PCDHGB2: variants seen among roughly 807,000 people sequenced by gnomAD.
PCDHGB2 encodes the protein protocadherin gamma-B2.
Under a neutral mutation model 59.3 loss-of-function variants are expected in PCDHGB2, and 55 were observed. That is an observed-to-expected ratio of 0.93 (90% CI 0.75 to 1.16). PCDHGB2 has a LOEUF of 1.16. PCDHGB2 is among the 50% of genes most tolerant of loss of function. The pLI, the probability that PCDHGB2 is intolerant of heterozygous loss-of-function variation, is 0.00. For synonymous variants in PCDHGB2, 516 were observed against 512.0 expected (o/e 1.01, Z -0.11); for missense variants, 1,228 against 1,198.5 (o/e 1.02, Z -0.36).
intron 1 of PCDHGB2, chr5:141,418,442 G>C: frequency 6.2e-7 from 1 of 1,614,010 alleles, no homozygotes; most frequent in Non-Finnish European, 8.5e-7. Flanking sequence ...TCCAGAATTA[G>C]TATTGCAGAA....
In PCDHGB2 at chr5:141,486,657, T is replaced by G. The variant is rs1171065175; in HGVS notation, c.2422-8150T>G. On this transcript the variant is annotated intron_variant, in intron 1 of 3. Transcript: ENST00000522605. The surrounding 1 kb of genome is among the most constrained non-coding windows in gnomAD (Gnocchi z 5.0). ...AATGCGCTTATCTCCTACTCACTCC[T>G]GGAGCCCAGGAATCGAGATGTATCA... 3 of 1,614,010 alleles carry G rather than the reference T, an allele frequency of 1.9e-6. No homozygotes were observed. Among genetic ancestry groups the G allele is most frequent in the Non-Finnish European group, 2.5e-6 (3 of 1,180,030 alleles).
In PCDHGB2 at chr5:141,441,877, C is replaced by T. The variant is rs945298341; in HGVS notation, c.2422-52930C>T. ...GCTGCACGCCGCGGAGCCTGGCTACCTGGTCACCAAGGTGGTGGCTGTAGA... is the reference window on the plus strand; with the variant it reads ...GCTGCACGCCGCGGAGCCTGGCTACTTGGTCACCAAGGTGGTGGCTGTAGA... On this transcript the variant is annotated intron_variant, in intron 1 of 3. Transcript: ENST00000522605. 4 of 343,582 alleles carry T rather than the reference C, an allele frequency of 1.2e-5. No homozygotes were observed. In the Admixed American group the frequency reaches 1.6e-4, roughly 13 times the overall value. 21.3% of individuals were successfully genotyped at this position (343,582 alleles called of 1,614,324 possible).
intron 1 of PCDHGB2, chr5:141,428,594 G>T (rs1317075888): frequency 4.4e-6 from 1 of 227,916 alleles, no homozygotes; most frequent in Admixed American, 5.2e-5. Context: ...CTGGTAGCAA[G>T]CTTCACTGAA....
rs753358324 is a variant in PCDHGB2, at chr5:141,487,328, G to A, written c.2422-7479G>A. On this transcript the variant is annotated intron_variant, in intron 1 of 3. Transcript: ENST00000522605. This position sits in a 1 kb window ranked among gnomAD's most constrained non-coding sequence, Gnocchi z 5.0. ...ACTACTCTCTAAGTGTCTTCGTGGG[G>A]CAGCCTGTGGAGTCACATGCTTTCC... 1.2e-6 allele frequency: 2 copies of A among 1,613,962 alleles called. No individual in the cohort carries two copies. The highest frequency in any genetic ancestry group is 2.2e-5 in the East Asian group (1 of 44,874).
chr5:141,506,380 TG>T (rs2099852860), intron 3 of PCDHGB2, among the ~76,000 whole-genome samples: 1 of 141,314 alleles, frequency 7.1e-6, no homozygotes, highest in Non-Finnish European at 1.5e-5. Flanking sequence ...ACCTGGGAGG[TG>T]GCTGTGGTGA....
Position 141,360,474 on chromosome 5 carries a change from A to C in PCDHGB2, c.339A>C (p.Pro113=). 6.2e-7 allele frequency: 1 copy of C among 1,613,982 alleles called. No homozygotes were observed. Among genetic ancestry groups the C allele is most frequent in the Non-Finnish European group, 8.5e-7 (1 of 1,179,862 alleles). ...ATTTCGATACTGTCGCTGAAAATCC[A>C]CTAAATATTTTCTACATAGCAGTAA... is the stretch of plus-strand genomic sequence containing the variant. ...VLDFDTVAEN[P]LNIFYIAVIV... Residue 113 remains proline, a synonymous_variant, in exon 1 of 4, where the codon CCA becomes CCC. Transcript: ENST00000522605.
chr5:141,485,340 C>A lies in PCDHGB2; in HGVS notation c.2422-9467C>A. 1 of 1,614,076 alleles carries A rather than the reference C, an allele frequency of 6.2e-7. No individual in the cohort carries two copies. On this transcript the variant is annotated intron_variant, in intron 1 of 3. Transcript: ENST00000522605. The surrounding 1 kb of genome is among the most constrained non-coding windows in gnomAD (Gnocchi z 5.7). ...GTCGCTCAAGATTTCCTGCTGGATA[C>A]GGACAGTCTGTCAGCTCGCAGGCTG...
intron 1 of PCDHGB2, among the ~76,000 whole-genome samples, chr5:141,373,452 G>A (rs1032272285): frequency 6.6e-6 from 1 of 152,218 alleles, no homozygotes; most frequent in South Asian, 2.1e-4. Context: ...GATCCCAGGA[G>A]GTAGCAGCTG....
In PCDHGB2 at chr5:141,398,901, C is replaced by CACCA. The variant is rs763382637; in HGVS notation, c.2421+36346_2421+36349dup. ...GCCTTCGGGAAAACGTGCCACCAGG[C>CACCA]ACCACTGTGTTGCAAGTGTCAGCCA... On this transcript the variant is annotated intron_variant, in intron 1 of 3. Coordinates refer to ENST00000522605, the MANE Select transcript of PCDHGB2 (RefSeq NM_018923.3). 3.7e-6 allele frequency: 6 copies of CACCA among 1,613,954 alleles called. No homozygotes were observed. The South Asian group carries it at 6.6e-5, about 18-fold the overall frequency.
chr5:141,404,517 A>G lies in PCDHGB2; in HGVS notation c.2421+41961A>G, dbSNP rs1268035794. On this transcript the variant is annotated intron_variant, in intron 1 of 3. Transcript: ENST00000522605. The stretch of plus-strand genomic sequence containing the variant: ...CTGTATGCTCTGTGCTCCTTTGACT[A>G]TGAGCAGTTTAGAGATTTGCAAATG... 5 of 1,613,938 alleles carry G rather than the reference A, an allele frequency of 3.1e-6. No homozygotes were observed. Among genetic ancestry groups the G allele is most frequent in the Non-Finnish European group, 3.4e-6 (4 of 1,179,844 alleles).
In PCDHGB2 at chr5:141,485,124, C is replaced by A; in HGVS notation, c.2422-9683C>A. ...GCTGCTGTGGCTGTTTGGGGCGGGT[C>A]GGCTTCATCCGCGTCTCAGGAGCAA... is the stretch of plus-strand genomic sequence containing the variant. On this transcript the variant is annotated intron_variant, in intron 1 of 3. Transcript: ENST00000522605. The surrounding 1 kb of genome is among the most constrained non-coding windows in gnomAD (Gnocchi z 5.7). 2 of 1,390,136 alleles carry A rather than the reference C, an allele frequency of 1.4e-6. No homozygotes were observed. The highest frequency in any genetic ancestry group is 2.5e-5 in the South Asian group (2 of 80,180). 86.1% of individuals were successfully genotyped at this position (1,390,136 alleles called of 1,614,324 possible). A position where few individuals can be genotyped will look rare whatever the true frequency, so the allele number is the denominator to read the frequency against.
At position 141,431,427 on chromosome 5, in the gene PCDHGB2, C is replaced by G. The variant is rs1269666597; in HGVS notation, c.2422-63380C>G. The stretch of plus-strand genomic sequence containing the variant: ...TCCGACGGGGGCGACCCGGTGCGCA[C>G]AGGCACCGCGCGCATCCGCGTGATG... On this transcript the variant is annotated intron_variant, in intron 1 of 3. Transcript: ENST00000522605. The surrounding 1 kb of genome is among the most constrained non-coding windows in gnomAD (Gnocchi z 4.8). 1.2e-6 allele frequency: 2 copies of G among 1,613,584 alleles called. No homozygotes were observed.
chr5:141,443,443 G>A (rs2098388456), intron 1 of PCDHGB2, among the ~76,000 whole-genome samples: 1 of 152,124 alleles, frequency 6.6e-6, no homozygotes, highest in African/African-American at 2.4e-5. Flanking sequence ...CTGTGGTTGC[G>A]CTCCTGTACT....
chr5:141,467,874 G>T (rs926647135), intron 1 of PCDHGB2, among the ~76,000 whole-genome samples: 1 of 151,920 alleles, frequency 6.6e-6, no homozygotes, highest in Non-Finnish European at 1.5e-5. Context: ...GCCCAGGCTG[G>T]TCTCAAACTC....
rs780029376 is a variant in PCDHGB2 at position 141,375,319 on chromosome 5, G to A, written c.2421+12763G>A. On this transcript the variant is annotated intron_variant, in intron 1 of 3. Coordinates refer to ENST00000522605, the MANE Select transcript of PCDHGB2 (RefSeq NM_018923.3). ...TAGTGACAAATGCAGCTCTAGACCG[G>A]GAAGAGGTATTCTTGTACAACATCA... The A allele has an allele frequency of 9.3e-6, 15 of 1,613,770 alleles. No homozygotes were observed. The South Asian group carries it at 1.5e-4, about 17-fold the overall frequency.
In PCDHGB2 at chr5:141,477,028, G is replaced by A. The variant is rs1015508317; in HGVS notation, c.2422-17779G>A. On this transcript the variant is annotated intron_variant, in intron 1 of 3. Coordinates refer to ENST00000522605, the MANE Select transcript of PCDHGB2 (RefSeq NM_018923.3). The surrounding 1 kb of genome is among the most constrained non-coding windows in gnomAD (Gnocchi z 4.9). ...CCTTAGACCTTGTAACCGGGATGCT[G>A]ACAATCAAGGGTCGGCTGGACTTCG... The A allele has an allele frequency of 2.5e-6, 4 of 1,614,146 alleles. No homozygotes were observed. The highest frequency in any genetic ancestry group is 1.7e-5 in the Admixed American group (1 of 60,018).
chr5:141,372,154 T>A, intron 1 of PCDHGB2: 1 of 1,613,784 alleles, frequency 6.2e-7, no homozygotes, highest in East Asian at 2.2e-5. Flanking sequence ...CCTGGCTACC[T>A]GGTGACCAAG....
At chr5:141,498,220 G>T (rs1562182972) in intron 2 of PCDHGB2, among the ~76,000 whole-genome samples, 1 of 152,222 alleles carries the variant, frequency 6.6e-6, no homozygotes, top group Non-Finnish European at 1.5e-5. Flanking sequence ...GAGCATTCCA[G>T]ATGGTCAGGC....
chr5:141,409,552 A>G, intron 1 of PCDHGB2: 8 of 1,613,962 alleles, frequency 5.0e-6, no homozygotes, highest in Non-Finnish European at 6.8e-6. Flanking sequence ...ACAACGCCCC[A>G]GTTTTCGACC....
Sources: allele counts gnomAD v4.1 joint callset (sites outside exome capture counted in the v4.1 genomes callset), GRCh38; gene constraint gnomAD v4.1.1; non-coding constraint Gnocchi (gnomAD v3.1); transcripts MANE v1.5; gene names NCBI Gene and HGNC (gene_info 2026-07-23, HGNC 2026-07-21).